Variants in CAMTA1 observed in about 807,000 individuals in gnomAD.
CAMTA1 encodes calmodulin-binding transcription activator 1.
A neutral mutation model predicts 170.9 loss-of-function variants in CAMTA1; 27 were observed. The ratio of observed to expected loss-of-function variants is 0.16; its 90% confidence interval spans 0.12 to 0.22. CAMTA1 has a LOEUF of 0.22. Among genes scored for constraint, CAMTA1 ranks in the 10% least tolerant of loss-of-function variants. CAMTA1 has a pLI of 1.00. For missense variants in CAMTA1, 1,619 were observed against 2,217.2 expected (o/e 0.73, Z 5.42); for synonymous variants, 833 against 891.5 (o/e 0.93, Z 1.17).
At chr1:7,668,211 G>T (rs1558092188) in intron 9 of CAMTA1, among the ~76,000 whole-genome samples, 2 of 152,122 alleles carry the variant, frequency 1.3e-5, no homozygotes, top group African/African-American at 4.8e-5. Context: ...ATGGGGTTTG[G>T]CTAAACGGTT....
rs569545768 is a variant in CAMTA1 at position 7,069,063 on chromosome 1, G to A, written c.235-22241G>A. On this transcript the variant is annotated intron_variant, in intron 3 of 22. Transcript: ENST00000303635. ...GAAAGGCAAGTTTCAGACACCTCCT[G>A]CCATGCCCTTGACCCTGCTGGGCCC... Among the ~76,000 whole-genome samples, 4 of 152,322 alleles carry A rather than the reference G, an allele frequency of 2.6e-5. No individual in the cohort carries two copies. The South Asian group carries it at 6.2e-4, about 24-fold the overall frequency.
At chr1:7,594,291 A>G (rs1432072464) in intron 6 of CAMTA1, among the ~76,000 whole-genome samples, 1 of 151,836 alleles carries the variant, frequency 6.6e-6, no homozygotes, top group Non-Finnish European at 1.5e-5. Context: ...TGCGGCACAG[A>G]AGCAGCCTTT....
At chr1:7,468,335 G>A (rs1227509321) in intron 6 of CAMTA1, among the ~76,000 whole-genome samples, 1 of 152,232 alleles carries the variant, frequency 6.6e-6, no homozygotes, top group Non-Finnish European at 1.5e-5. Flanking sequence ...TGGATTGATT[G>A]GGATAGCTGT....
At chr1:7,278,622 G>A (rs569162858) in intron 5 of CAMTA1, among the ~76,000 whole-genome samples, 1 of 152,310 alleles carries the variant, frequency 6.6e-6, no homozygotes, top group Non-Finnish European at 1.5e-5. Flanking sequence ...CCAGGGTCCA[G>A]CTCTTTCTCT....
At position 6,887,521 on chromosome 1, in the gene CAMTA1, A is replaced by G; in HGVS notation, c.234+62311A>G. ...ATCTGTATACGTATGTGTGTGTTTA[A>G]TATATACTTTAGTTTGCCTTTACCC... is the stretch of plus-strand genomic sequence containing the variant. On this transcript the variant is annotated intron_variant, in intron 3 of 22. Coordinates refer to ENST00000303635, the MANE Select transcript of CAMTA1 (RefSeq NM_015215.4). The surrounding 1 kb of genome is among the most constrained non-coding windows in gnomAD (Gnocchi z 4.1). The G allele has an allele frequency of 7.4e-7, 1 of 1,346,080 alleles. No individual in the cohort carries two copies. Among genetic ancestry groups the G allele is most frequent in the Middle Eastern group, 1.9e-4 (1 of 5,210 alleles). 83.4% of individuals were successfully genotyped at this position (1,346,080 alleles called of 1,614,324 possible). A position where few individuals can be genotyped will look rare whatever the true frequency, so the allele number is the denominator to read the frequency against.
At chr1:7,698,074 A>AC (rs55893283) in intron 11 of CAMTA1, among the ~76,000 whole-genome samples, 2,937 of 98,206 alleles carry the variant, frequency 0.03, 174 homozygotes, top group South Asian at 0.055. Flanking sequence ...ACGCACTGTG[A>AC]CCCCCCCCCC....
intron 3 of CAMTA1, among the ~76,000 whole-genome samples, chr1:6,912,034 A>T (rs780700155): frequency 6.6e-6 from 1 of 152,012 alleles, no homozygotes; most frequent in Non-Finnish European, 1.5e-5. Context: ...TTTTCAGGCT[A>T]TAGCTGAAGG....
intron 6 of CAMTA1, among the ~76,000 whole-genome samples, chr1:7,555,835 C>T (rs1425935326): frequency 2.0e-5 from 3 of 152,212 alleles, no homozygotes; most frequent in Non-Finnish European, 4.4e-5. Context: ...CCTAAATGCC[C>T]CAAACCCAAC....
At chr1:7,596,690 A>G (rs377723020) in intron 6 of CAMTA1, among the ~76,000 whole-genome samples, 7 of 152,320 alleles carry the variant, frequency 4.6e-5, no homozygotes, top group African/African-American at 1.7e-4. Context: ...CTGTGGTTGA[A>G]TTGGCCATCA....
chr1:7,427,208 C>A (rs1286994859), intron 5 of CAMTA1, among the ~76,000 whole-genome samples: 3 of 152,316 alleles, frequency 2.0e-5, no homozygotes, highest in Non-Finnish European at 4.4e-5. Context: ...ATGACATCAA[C>A]CTTTTGACCG....
At chr1:7,614,776 C>A (rs1262350968) in intron 6 of CAMTA1, among the ~76,000 whole-genome samples, 2 of 152,170 alleles carry the variant, frequency 1.3e-5, no homozygotes, top group East Asian at 3.9e-4. Context: ...CTGATGGGCC[C>A]CCAGCCCCGC....
intron 4 of CAMTA1, among the ~76,000 whole-genome samples, chr1:7,231,770 G>A (rs1209704697): frequency 2.0e-5 from 3 of 152,300 alleles, no homozygotes; most frequent in Admixed American, 6.5e-5. Flanking sequence ...AGCCTCCCTC[G>A]GGTCACTGCT....
rs1276155381 is a variant in CAMTA1, at chr1:7,063,747, T to C, written c.235-27557T>C. ...GGAGCAAATTCAACAACCACACTTT[T>C]TCAGGCACTGGTTGTGCGATTAGCA... On this transcript the variant is annotated intron_variant, in intron 3 of 22. Coordinates refer to ENST00000303635, the MANE Select transcript of CAMTA1 (RefSeq NM_015215.4). The surrounding 1 kb of genome is among the most constrained non-coding windows in gnomAD (Gnocchi z 4.3). Among the ~76,000 whole-genome samples the C allele has an allele frequency of 6.6e-6, 1 of 152,224 alleles. No homozygotes were observed. The highest frequency in any genetic ancestry group is 1.5e-5 in the Non-Finnish European group (1 of 68,040).
intron 3 of CAMTA1, among the ~76,000 whole-genome samples, chr1:7,082,090 G>A (rs1300102906): frequency 6.6e-6 from 1 of 152,114 alleles, no homozygotes; most frequent in Non-Finnish European, 1.5e-5. Context: ...TGTAATCATG[G>A]TCTCCAATCA....
rs377031925 is a variant in CAMTA1, at chr1:7,508,786, C to T, written c.510+40885C>T. ...AGGAGAGGGAGCAGGAAGACAAGGC[C>T]TCCCAGCCCTGGCCCTGGAGGAGAG... On this transcript the variant is annotated intron_variant, in intron 6 of 22. Transcript: ENST00000303635. Among the ~76,000 whole-genome samples, 13 of 152,238 alleles carry T rather than the reference C, an allele frequency of 8.5e-5. No individual in the cohort carries two copies. In the South Asian group the frequency reaches 1.7e-3, roughly 19 times the overall value.
chr1:7,054,661 C>T lies in CAMTA1; in HGVS notation c.235-36643C>T, dbSNP rs188797547. Among the ~76,000 whole-genome samples the T allele has an allele frequency of 1.6e-3, 241 of 152,276 alleles. 2 individuals carry two copies. Among genetic ancestry groups the T allele is most frequent in the Admixed American group, 0.012 (185 of 15,302 alleles). On this transcript the variant is annotated intron_variant, in intron 3 of 22. Transcript: ENST00000303635. ...AGCGACTGAGGGGAACAGGCAGTAG[C>T]GTGACCTTGGAGTCGGGCTGTGCCA...
intron 5 of CAMTA1, among the ~76,000 whole-genome samples, chr1:7,343,195 A>C (rs2083964602): frequency 6.6e-6 from 1 of 152,180 alleles, no homozygotes; most frequent in Non-Finnish European, 1.5e-5. Context: ...AGTGGTAGGC[A>C]CACAATGGTG....
intron 11 of CAMTA1, among the ~76,000 whole-genome samples, chr1:7,722,416 C>T (rs1159825071): frequency 6.6e-6 from 1 of 152,124 alleles, no homozygotes; most frequent in African/African-American, 2.4e-5. Context: ...ATGGGGTCGA[C>T]CCAGCAAAAG....
At chr1:7,406,558 G>A (rs1013350988) in intron 5 of CAMTA1, among the ~76,000 whole-genome samples, 2 of 152,076 alleles carry the variant, frequency 1.3e-5, no homozygotes, top group African/African-American at 2.4e-5. Context: ...CCATGCAGGT[G>A]TACACACACA....
Sources: gnomAD v4.1 joint callset for allele counts (sites outside exome capture counted in the v4.1 genomes callset) on GRCh38, gnomAD v4.1.1 for gene constraint, Gnocchi (gnomAD v3.1) non-coding constraint, MANE v1.5 for transcripts, NCBI Gene and HGNC (gene_info 2026-07-23, HGNC 2026-07-21) for gene names.